Variants in KLF13 observed in about 807,000 individuals in gnomAD.
The protein encoded by KLF13 is KLF transcription factor 13, also known as Krueppel-like factor 13.
KLF13 carries 8 observed loss-of-function variants against 16.7 expected under a neutral mutation model. The observed-to-expected ratio is 0.48, with a 90% CI of 0.28 to 0.87. The LOEUF is 0.87. Among genes scored for constraint, KLF13 ranks in the 40% least tolerant of loss-of-function variants. KLF13 has a pLI of 0.10. For synonymous variants in KLF13, 245 were observed against 208.4 expected (o/e 1.18, Z -1.51); for missense variants, 447 against 452.2 (o/e 0.99, Z 0.10).
chr15:31,405,127 G>A (rs1445923556), downstream of KLF13, among the ~76,000 whole-genome samples: 1 of 152,218 alleles, frequency 6.6e-6, no homozygotes, highest in Admixed American at 6.5e-5. Flanking sequence ...GGTCATGCGA[G>A]CAGAGCTCTC....
At chr15:31,407,792 AT>A (rs2040146524), downstream of KLF13, among the ~76,000 whole-genome samples, 1 of 152,212 alleles carries the variant, frequency 6.6e-6, no homozygotes, top group South Asian at 2.1e-4. Context: ...AGGAGAAAAA[AT>A]TATTTGACTC....
In KLF13 at chr15:31,423,100, CGT is replaced by C. The variant is rs2040350449; in HGVS notation, n.118-12269_118-12268del. On this transcript the variant is annotated intron_variant and non_coding_transcript_variant, in intron 1 of 1. Transcript: ENST00000558225. ...AATTACATATATATACGTATATATACGTATACGTATACGTATATATACGTATA... is the reference window on the plus strand; with the variant it reads ...AATTACATATATATACGTATATATACATACGTATACGTATATATACGTATA... Among the ~76,000 whole-genome samples, 3 of 58,670 alleles carry C rather than the reference CGT, an allele frequency of 5.1e-5. 1 individual carries two copies. The highest frequency in any genetic ancestry group is 1.2e-4 in the African/African-American group (2 of 16,460). 38.5% of individuals were successfully genotyped at this position (58,670 alleles called of 152,430 possible). A position where few individuals can be genotyped will look rare whatever the true frequency, so the allele number is the denominator to read the frequency against.
intron 1 of KLF13, among the ~76,000 whole-genome samples, chr15:31,354,973 A>G (rs1192101702): frequency 6.6e-6 from 1 of 152,116 alleles, no homozygotes; most frequent in Non-Finnish European, 1.5e-5. Flanking sequence ...ACCCCACATG[A>G]CTTGGTATTG....
intron 1 of KLF13, among the ~76,000 whole-genome samples, chr15:31,364,575 A>G (rs1053134875): frequency 1.3e-5 from 2 of 152,232 alleles, no homozygotes; most frequent in East Asian, 3.8e-4. Flanking sequence ...CATGTGCCCC[A>G]CGTATTCTCC....
At chr15:31,417,023 T>C (rs1341921081) in intron 1 of KLF13, among the ~76,000 whole-genome samples, 2 of 152,122 alleles carry the variant, frequency 1.3e-5, no homozygotes, top group Admixed American at 1.3e-4. Context: ...TGATTAGTTA[T>C]CATGAAAGTG....
At chr15:31,389,645 G>C (rs1423661387), upstream of KLF13, among the ~76,000 whole-genome samples, 3 of 152,140 alleles carry the variant, frequency 2.0e-5, no homozygotes, top group Non-Finnish European at 1.5e-5. Flanking sequence ...GTGGGAGTAG[G>C]ATGGCCTCTG....
chr15:31,330,660 C>A (rs1192754158), intron 1 of KLF13, among the ~76,000 whole-genome samples: 1 of 152,240 alleles, frequency 6.6e-6, no homozygotes, highest in Non-Finnish European at 1.5e-5. Context: ...AGCTTTCTGT[C>A]CTGGTTAGCT....
rs528844278 is a variant in KLF13 at position 31,423,419 on chromosome 15, G to A, written n.118-11951G>A. ...GGCTGAGGTGGGTGGATCACGTGAG[G>A]TCAGGAGTTCGAGACCAGGCTGGCC... is the stretch of plus-strand genomic sequence containing the variant. On this transcript the variant is annotated intron_variant and non_coding_transcript_variant, in intron 1 of 1. Transcript: ENST00000558225. Among the ~76,000 whole-genome samples the A allele has an allele frequency of 2.0e-5, 3 of 151,802 alleles. No individual in the cohort carries two copies. The South Asian group carries it at 6.2e-4, about 32-fold the overall frequency.
At chr15:31,337,897 AG>A (rs746573321) in intron 1 of KLF13, among the ~76,000 whole-genome samples, 1 of 152,168 alleles carries the variant, frequency 6.6e-6, no homozygotes, top group Non-Finnish European at 1.5e-5. Flanking sequence ...TCTTTTATCA[AG>A]GTTGAAATTA....
intron 1 of KLF13, among the ~76,000 whole-genome samples, chr15:31,417,176 A>C (rs543597730): frequency 6.6e-6 from 1 of 152,248 alleles, no homozygotes; most frequent in Non-Finnish European, 1.5e-5. Context: ...CTCCAGAACT[A>C]TGAGAAATAA....
At chr15:31,362,757 C>T (rs1374276313) in intron 1 of KLF13, among the ~76,000 whole-genome samples, 1 of 152,212 alleles carries the variant, frequency 6.6e-6, no homozygotes, top group African/African-American at 2.4e-5. Flanking sequence ...TTCCTACTTT[C>T]CTAGGGACCC....
chr15:31,394,860 A>G (rs1211954201), intron 2 of KLF13, among the ~76,000 whole-genome samples: 2 of 152,200 alleles, frequency 1.3e-5, no homozygotes, highest in African/African-American at 4.8e-5. Flanking sequence ...CCTCTTCTGA[A>G]TATCTCATAT....
chr15:31,424,700 C>G (rs2040380718), intron 1 of KLF13, among the ~76,000 whole-genome samples: 1 of 152,088 alleles, frequency 6.6e-6, no homozygotes, highest in African/African-American at 2.4e-5. Flanking sequence ...AGCTTTATCT[C>G]TAAGGTTAGG....
At chr15:31,363,984 C>A (rs369983502) in intron 1 of KLF13, among the ~76,000 whole-genome samples, 4 of 152,200 alleles carry the variant, frequency 2.6e-5, no homozygotes, top group Admixed American at 2.0e-4. Context: ...CATGTATTGA[C>A]TGCTCCCTGC....
In KLF13 at chr15:31,375,787, G is replaced by C. The variant is rs1017711124; in HGVS notation, c.*3488G>C. On this transcript the variant is annotated 3_prime_UTR_variant, in exon 2 of 2. Transcript: ENST00000307145. ...GTCCTGTCCTGCAGGATGCTGCATA[G>C]GAATGGGCAGAGATGTCCTGGATGG... The C allele has an allele frequency of 1.3e-5, 2 of 152,198 alleles. No individual in the cohort carries two copies. Among genetic ancestry groups the C allele is most frequent in the Non-Finnish European group, 2.9e-5 (2 of 68,054 alleles). The allele number at this position is 152,198 out of a possible 1,614,324, so 9.4% of individuals were successfully genotyped here.
intron 1 of KLF13, among the ~76,000 whole-genome samples, chr15:31,383,696 C>T (rs111270613): frequency 0.2 from 30,796 of 152,002 alleles, 3,239 homozygotes; most frequent in East Asian, 0.26. Flanking sequence ...GTCAGGAGAT[C>T]GAGACCATCC....
chr15:31,345,682 T>G (rs2039103463), intron 1 of KLF13, among the ~76,000 whole-genome samples: 1 of 152,192 alleles, frequency 6.6e-6, no homozygotes, highest in South Asian at 2.1e-4. Flanking sequence ...TGGCCCTACA[T>G]GGGCAGCATC....
intron 1 of KLF13, among the ~76,000 whole-genome samples, chr15:31,355,471 C>T (rs912778105): frequency 1.3e-5 from 2 of 152,204 alleles, no homozygotes; most frequent in Non-Finnish European, 2.9e-5. Context: ...TCCTGTCTTT[C>T]TGTACGTTCA....
At chr15:31,399,883 G>A (rs933634987) in intron 2 of KLF13, among the ~76,000 whole-genome samples, 1 of 152,256 alleles carries the variant, frequency 6.6e-6, no homozygotes, top group African/African-American at 2.4e-5. Context: ...GCCATGCTGG[G>A]CCCACACCTT....
Sources: gnomAD v4.1 joint callset for allele counts (sites outside exome capture counted in the v4.1 genomes callset) on GRCh38, gnomAD v4.1.1 for gene constraint, MANE v1.5 for transcripts, NCBI Gene and HGNC (gene_info 2026-07-23, HGNC 2026-07-21) for gene names.